The following STXBP5 variants were observed in gnomAD, a reference collection of about 807,000 sequenced individuals.
STXBP5 encodes syntaxin binding protein 5, also known as syntaxin-binding protein 5.
Under a neutral mutation model 152.4 loss-of-function variants are expected in STXBP5, and 50 were observed. The ratio of observed to expected loss-of-function variants is 0.33; its 90% confidence interval spans 0.26 to 0.42. STXBP5 has a LOEUF of 0.42. Among genes scored for constraint, STXBP5 ranks in the 10% least tolerant of loss-of-function variants. The probability of loss-of-function intolerance (pLI) is 1.00; values close to 1 mark genes in which losing one functional copy is unlikely to be tolerated. For missense variants in STXBP5, 1,167 were observed against 1,388.6 expected (o/e 0.84, Z 2.54); for synonymous variants, 492 against 494.7 (o/e 0.99, Z 0.07).
rs1778426345 is a variant in STXBP5 at position 147,239,303 on chromosome 6, A to G, written c.431+33A>G. 3.2e-6 allele frequency: 5 copies of G among 1,557,286 alleles called. No individual in the cohort carries two copies. In the Admixed American group the frequency reaches 8.7e-5, roughly 27 times the overall value. On this transcript the variant is annotated intron_variant, in intron 4 of 27. Transcript: ENST00000321680. ...TTCTCCCAGTTATCTTATGTATAGG[A>G]TATTTACTATTATATTTTCTTGAAT... is the stretch of plus-strand genomic sequence containing the variant.
chr6:147,382,448 A>G (rs971937568), intron 26 of STXBP5, among the ~76,000 whole-genome samples: 2 of 152,106 alleles, frequency 1.3e-5, no homozygotes, highest in African/African-American at 2.4e-5. Flanking sequence ...TTTTTGCACA[A>G]AAGAGCAGTT....
At chr6:147,218,984 G>C (rs1777321328) in intron 2 of STXBP5, among the ~76,000 whole-genome samples, 1 of 152,152 alleles carries the variant, frequency 6.6e-6, no homozygotes. Flanking sequence ...TCCCATTACA[G>C]TGTTGAAAGG....
intron 26 of STXBP5, among the ~76,000 whole-genome samples, chr6:147,376,904 A>G (rs1467691676): frequency 4.6e-5 from 7 of 152,210 alleles, no homozygotes; most frequent in Non-Finnish European, 8.8e-5. Context: ...TGAAATTTAA[A>G]AAGATGGAAA....
At chr6:147,246,599 G>C (rs115803604) in intron 4 of STXBP5, among the ~76,000 whole-genome samples, 6 of 151,914 alleles carry the variant, frequency 3.9e-5, no homozygotes, top group Non-Finnish European at 8.8e-5. Flanking sequence ...TTCTAAAGAC[G>C]TATGTTTTTT....
intron 23 of STXBP5, 147 bp from the exon 24 acceptor site, chr6:147,363,188 A>T: frequency 1.2e-6 from 1 of 810,190 alleles, no homozygotes; most frequent in Non-Finnish European, 1.8e-6. Context: ...ACCACGCTTA[A>T]AGTCCGAATC....
intron 2 of STXBP5, among the ~76,000 whole-genome samples, 156 bp from the exon 3 acceptor site, chr6:147,235,094 G>A (rs544388905): frequency 1.4e-4 from 21 of 152,144 alleles, no homozygotes; most frequent in African/African-American, 4.6e-4. Flanking sequence ...GAAACTATTA[G>A]ATTGATGTGT....
rs1357787307 is a variant in STXBP5, at chr6:147,311,443, G to A, written c.1073-12G>A. 6.2e-7 allele frequency: 1 copy of A among 1,610,210 alleles called. No homozygotes were observed. The highest frequency in any genetic ancestry group is 2.2e-5 in the East Asian group (1 of 44,706). ...TTTTTGAAACTATAATTCATGCATT[G>A]TCCAATTCCAGATTTTCAAGAACCA... On this transcript the variant is annotated splice_polypyrimidine_tract_variant and intron_variant, in intron 10 of 27. Coordinates refer to ENST00000321680, the MANE Select transcript of STXBP5 (RefSeq NM_001127715.4).
At chr6:147,241,441 T>A (rs1778536916) in intron 4 of STXBP5, among the ~76,000 whole-genome samples, 1 of 152,192 alleles carries the variant, frequency 6.6e-6, no homozygotes, top group South Asian at 2.1e-4. Flanking sequence ...TGTCACCTGT[T>A]TATCCATACC....
At chr6:147,222,096 A>G (rs1777489770) in intron 2 of STXBP5, among the ~76,000 whole-genome samples, 1 of 151,922 alleles carries the variant, frequency 6.6e-6, no homozygotes, top group Admixed American at 6.6e-5. Flanking sequence ...GGATTCTAGC[A>G]TTTCTTTTTG....
At chr6:147,329,116 T>C (rs1275815378) in intron 18 of STXBP5, among the ~76,000 whole-genome samples, 1 of 151,782 alleles carries the variant, frequency 6.6e-6, no homozygotes, top group African/African-American at 2.4e-5. Flanking sequence ...TTCTCCATTA[T>C]ACCTTATACT....
At chr6:147,284,371 G>T (rs1447714900) in intron 8 of STXBP5, among the ~76,000 whole-genome samples, 1 of 152,082 alleles carries the variant, frequency 6.6e-6, no homozygotes, top group African/African-American at 2.4e-5. Context: ...CATTTTAAAT[G>T]AATCTTTATT....
At chr6:147,300,519 C>A (rs973604074) in intron 9 of STXBP5, among the ~76,000 whole-genome samples, 4 of 151,994 alleles carry the variant, frequency 2.6e-5, no homozygotes, top group African/African-American at 9.7e-5. Flanking sequence ...TATCTATAGC[C>A]AGTTGATTTC....
In STXBP5 at chr6:147,310,111, T is replaced by C. The variant is rs754487040; in HGVS notation, c.945T>C (p.Gly315=). 5 of 1,563,442 alleles carry C rather than the reference T, an allele frequency of 3.2e-6. No homozygotes were observed. Among genetic ancestry groups the C allele is most frequent in the Non-Finnish European group, 3.4e-6 (4 of 1,160,904 alleles). ...SGEPFIILSG[G]LSYDTVGRRP... ...AGCCTTTTATTATTTTATCAGGAGG[T>C]TTGTCATATGATACTGTAGGAAGAA... is the stretch of plus-strand genomic sequence containing the variant. The change falls in exon 10 of 28, where the codon GGT becomes GGC. Residue 315 remains glycine (G), a synonymous_variant. Transcript: ENST00000321680.
chr6:147,386,235 T>C lies in STXBP5; in HGVS notation c.*1480T>C, dbSNP rs1044256971. The C allele has an allele frequency of 6.6e-6, 1 of 151,922 alleles. No individual in the cohort carries two copies. The highest frequency in any genetic ancestry group is 2.4e-5 in the African/African-American group (1 of 41,420). 9.4% of individuals were successfully genotyped at this position (151,922 alleles called of 1,614,324 possible). Reference sequence around the variant, plus strand: ...AATTAATGTTAATGAAATTTAAATATTGTCTTCTATAAAAAATTCCTTTAA... The same window carrying C: ...AATTAATGTTAATGAAATTTAAATACTGTCTTCTATAAAAAATTCCTTTAA... On this transcript the variant is annotated 3_prime_UTR_variant, in exon 28 of 28. Transcript: ENST00000321680.
chr6:147,329,112 A>G (rs1395193343), intron 18 of STXBP5, among the ~76,000 whole-genome samples: 1 of 151,798 alleles, frequency 6.6e-6, no homozygotes, highest in East Asian at 1.9e-4. Context: ...CCTTTTCTCC[A>G]TTATACCTTA....
chr6:147,354,615 T>C (rs1046684455), intron 22 of STXBP5, among the ~76,000 whole-genome samples: 1 of 152,170 alleles, frequency 6.6e-6, no homozygotes, highest in Non-Finnish European at 1.5e-5. Flanking sequence ...AGTGGCTTTG[T>C]GTATTTTAGT....
At chr6:147,287,234 G>C (rs1197506428) in intron 8 of STXBP5, among the ~76,000 whole-genome samples, 1 of 108,178 alleles carries the variant, frequency 9.2e-6, no homozygotes, top group South Asian at 3.1e-4. Flanking sequence ...ACGGAGTCTC[G>C]CTCTGTCGCC....
chr6:147,260,521 T>G, intron 4 of STXBP5, 94 bp from the exon 5 acceptor site: 1 of 1,424,070 alleles, frequency 7.0e-7, no homozygotes, highest in Non-Finnish European at 9.8e-7. Flanking sequence ...AGTTTTGCTG[T>G]TCCTGAATTA....
At chr6:147,325,969 A>G (rs112097402) in intron 17 of STXBP5, among the ~76,000 whole-genome samples, 19 of 152,234 alleles carry the variant, frequency 1.2e-4, no homozygotes, top group African/African-American at 4.1e-4. Flanking sequence ...AGGTATATGT[A>G]AATAATCTCA....
Sources: gnomAD v4.1 joint callset for allele counts (sites outside exome capture counted in the v4.1 genomes callset) on GRCh38, gnomAD v4.1.1 for gene constraint, MANE v1.5 for transcripts, NCBI Gene and HGNC (gene_info 2026-07-23, HGNC 2026-07-21) for gene names.